MMP17: variants seen among roughly 807,000 people sequenced by gnomAD.
MMP17 encodes matrix metallopeptidase 17, also known as matrix metalloproteinase-17.
A neutral mutation model predicts 49.1 loss-of-function variants in MMP17; 54 were observed. The observed-to-expected ratio is 1.10, with a 90% CI of 0.88 to 1.38. The LOEUF (loss-of-function observed/expected upper bound fraction) is 1.38. MMP17 is among the 40% of genes most tolerant of loss of function. The pLI, the probability that MMP17 is intolerant of heterozygous loss-of-function variation, is 0.00. For missense variants in MMP17, 837 were observed against 853.7 expected, an observed-to-expected ratio of 0.98 and a Z score of 0.24; for synonymous variants, 397 against 383.1, an observed-to-expected ratio of 1.04 and a Z score of -0.42.
At position 131,851,369 on chromosome 12, in the gene MMP17, G is replaced by A. The variant is rs991345759; in HGVS notation, c.*95G>A. On this transcript the variant is annotated 3_prime_UTR_variant, in exon 10 of 10. Transcript: ENST00000360564. ...CGGAGTCCCTGGGGGAGGTGCTGGC[G>A]CGGGATGAGGACGGGCCACCCTGGC... 7.6e-5 allele frequency: 88 copies of A among 1,158,910 alleles called. No individual in the cohort carries two copies. The African/African-American group carries it at 1.2e-3, about 16-fold the overall frequency. The allele number at this position is 1,158,910 out of a possible 1,614,324, so 71.8% of individuals were successfully genotyped here. A position where few individuals can be genotyped will look rare whatever the true frequency, so the allele number is the denominator to read the frequency against.
At chr12:131,847,941 C>T (rs1057329562) in intron 8 of MMP17, among the ~76,000 whole-genome samples, 2 of 152,244 alleles carry the variant, frequency 1.3e-5, no homozygotes, top group African/African-American at 4.8e-5. Flanking sequence ...TGTCCTGGTT[C>T]CTGCTCAGCC....
intron 6 of MMP17, chr12:131,844,704 T>C: frequency 2.2e-5 from 5 of 222,780 alleles, no homozygotes; most frequent in East Asian, 2.2e-4. Flanking sequence ...TCGGTGGACA[T>C]GCACCTTGTC....
In MMP17 at chr12:131,851,118, C is replaced by G. The variant is rs768338814; in HGVS notation, c.1656C>G (p.Ser552Arg). 8 of 1,591,198 alleles carry G rather than the reference C, an allele frequency of 5.0e-6. No homozygotes were observed. Among genetic ancestry groups the G allele is most frequent in the Non-Finnish European group, 6.8e-6 (8 of 1,169,680 alleles). ...CCCCTCCAGGACAACATGACCAGAG[C>G]CGCTCGGAGGACGGTTACGAGGTCT... Reference protein sequence around the residue: ...PRAPPGQHDQSRSEDGYEVCS... With the variant: ...PRAPPGQHDQRRSEDGYEVCS... The change falls in exon 10 of 10, where the codon AGC (serine) becomes AGG (arginine). Residue 552 changes from serine to arginine, a missense_variant. Transcript: ENST00000360564.
chr12:131,835,267 G>T (rs1246655317), intron 1 of MMP17, among the ~76,000 whole-genome samples: 1 of 152,250 alleles, frequency 6.6e-6, no homozygotes, highest in Non-Finnish European at 1.5e-5. Flanking sequence ...TGCCTCTGGG[G>T]CCACAGGCGA....
Position 131,841,805 on chromosome 12 carries a change from G to A in MMP17, c.883+5G>A, listed in dbSNP as rs1320565322. The A allele has an allele frequency of 6.4e-7, 1 of 1,573,386 alleles. No individual in the cohort carries two copies. Among genetic ancestry groups the A allele is most frequent in the East Asian group, 2.3e-5 (1 of 42,890 alleles). ...TGCGCGTCTGGCAGCTGTACGGTGA[G>A]TGTCTCCCCGAAGCCAGACACAGGG... On this transcript the variant is annotated splice_donor_5th_base_variant and intron_variant, in intron 5 of 9. Coordinates refer to ENST00000360564, the MANE Select transcript of MMP17 (RefSeq NM_016155.7).
At chr12:131,841,851 A>C (rs1221191134) in intron 5 of MMP17, 51 bp downstream of exon 5, 1 of 1,503,008 alleles carries the variant, frequency 6.7e-7, no homozygotes, top group South Asian at 1.3e-5. Context: ...AGGGGTCAGA[A>C]ACCCCAGGCA....
chr12:131,841,538 C>A, intron 4 of MMP17, 86 bp from the exon 5 acceptor site: 1 of 1,427,786 alleles, frequency 7.0e-7, no homozygotes, highest in Non-Finnish European at 9.8e-7. Context: ...ATGGTCACCC[C>A]AGAGCATGGT....
chr12:131,844,292 A>C (rs1336112380), intron 6 of MMP17: 1 of 558,978 alleles, frequency 1.8e-6, no homozygotes, highest in Admixed American at 3.8e-5. Flanking sequence ...TGAGAACTTC[A>C]GACAAGGTTT....
At chr12:131,838,507 T>C in intron 2 of MMP17, 105 bp from the exon 3 acceptor site, 2 of 1,480,318 alleles carry the variant, frequency 1.4e-6, no homozygotes, top group Non-Finnish European at 1.8e-6. Context: ...AGGGGGCGGC[T>C]CGGAGGCTGG....
chr12:131,836,713 C>A, intron 1 of MMP17, among the ~76,000 whole-genome samples: 1 of 152,024 alleles, frequency 6.6e-6, no homozygotes, highest in Admixed American at 6.6e-5. Flanking sequence ...AGGGCAGAGC[C>A]CCCAGCACAT....
chr12:131,828,875 C>G (rs1886649506), intron 1 of MMP17, among the ~76,000 whole-genome samples: 1 of 152,034 alleles, frequency 6.6e-6, no homozygotes, highest in Non-Finnish European at 1.5e-5. Context: ...GGCTGCCGTC[C>G]CGGCTCCGTG....
intron 1 of MMP17, among the ~76,000 whole-genome samples, chr12:131,834,841 T>TG (rs1396560343): frequency 6.6e-6 from 1 of 152,142 alleles, no homozygotes; most frequent in East Asian, 1.9e-4. Flanking sequence ...CCCTCCCAGA[T>TG]GGACCTGAGC....
At chr12:131,848,156 G>A (rs1249153067) in intron 8 of MMP17, among the ~76,000 whole-genome samples, 1 of 152,142 alleles carries the variant, frequency 6.6e-6, no homozygotes, top group Non-Finnish European at 1.5e-5. Flanking sequence ...TGTGATCTCA[G>A]CTCACTGCGG....
chr12:131,849,343 G>T (rs1252865366), intron 8 of MMP17, among the ~76,000 whole-genome samples: 1 of 152,172 alleles, frequency 6.6e-6, no homozygotes, highest in Non-Finnish European at 1.5e-5. Flanking sequence ...AATTAGCTGG[G>T]TGTGGTGGTG....
chr12:131,847,611 C>G (rs552444425), intron 8 of MMP17, among the ~76,000 whole-genome samples: 106 of 152,354 alleles, frequency 7.0e-4, no homozygotes, highest in African/African-American at 2.5e-3. Context: ...TAGAAGTGTT[C>G]AGGCCGCTTC....
intron 5 of MMP17, among the ~76,000 whole-genome samples, chr12:131,843,619 T>C (rs925240571): frequency 6.6e-6 from 1 of 152,210 alleles, no homozygotes; most frequent in Non-Finnish European, 1.5e-5. Flanking sequence ...GGATTTATTC[T>C]CATGGCTGAA....
chr12:131,836,936 A>T (rs1270784173), intron 1 of MMP17, among the ~76,000 whole-genome samples: 3 of 152,132 alleles, frequency 2.0e-5, no homozygotes, highest in African/African-American at 7.2e-5. Context: ...GATGGCACCC[A>T]GGTCCCCACA....
At chr12:131,841,151 C>A (rs1887386093) in intron 4 of MMP17, among the ~76,000 whole-genome samples, 1 of 152,238 alleles carries the variant, frequency 6.6e-6, no homozygotes, top group Non-Finnish European at 1.5e-5. Context: ...GTGGCCCCGG[C>A]TCAGTGTCAC....
Position 131,850,032 on chromosome 12 carries a change from C to T in MMP17, c.1435C>T (p.Leu479=). The T allele has an allele frequency of 6.2e-7, 1 of 1,612,836 alleles. No individual in the cohort carries two copies. The highest frequency in any genetic ancestry group is 8.5e-7 in the Non-Finnish European group (1 of 1,179,716). The change falls in exon 9 of 10, where the codon CTG becomes TTG. Residue 479 remains leucine, a synonymous_variant. Coordinates refer to ENST00000360564, the MANE Select transcript of MMP17 (RefSeq NM_016155.7). ...SPLWRGVPST[L]DDAMRWSDGA... The stretch of plus-strand genomic sequence containing the variant: ...CCTGTGGAGGGGTGTCCCCAGCACG[C>T]TGGACGACGCCATGCGCTGGTCCGA...
Sources: allele counts gnomAD v4.1 joint callset (sites outside exome capture counted in the v4.1 genomes callset), GRCh38; gene constraint gnomAD v4.1.1; transcripts MANE v1.5; gene names NCBI Gene and HGNC (gene_info 2026-07-23, HGNC 2026-07-21).